LIPA: variants seen among roughly 807,000 people sequenced by gnomAD.
LIPA encodes lysosomal acid lipase/cholesteryl ester hydrolase.
LIPA carries 26 observed loss-of-function variants against 40.6 expected under a neutral mutation model. The observed-to-expected ratio is 0.64, with a 90% confidence interval of 0.47 to 0.89. The LOEUF (loss-of-function observed/expected upper bound fraction) is 0.89. LIPA is among the 40% of genes least tolerant of loss of function. The pLI is 0.00. For missense variants in LIPA, 455 were observed against 479.6 expected, an observed-to-expected ratio of 0.95 and a Z score of 0.48; for synonymous variants, 188 against 168.4, an observed-to-expected ratio of 1.12 and a Z score of -0.90.
chr10:89,225,975 A>G (rs980683751), intron 5 of LIPA, among the ~76,000 whole-genome samples: 1 of 152,072 alleles, frequency 6.6e-6, no homozygotes, highest in African/African-American at 2.4e-5. Flanking sequence ...CAATCCATTA[A>G]ACTGTGAGTC....
At chr10:89,294,731 T>C (rs1843398963) in intron 1 of LIPA, among the ~76,000 whole-genome samples, 1 of 150,830 alleles carries the variant, frequency 6.6e-6, no homozygotes, top group African/African-American at 2.4e-5. Context: ...TCCCAGCACT[T>C]TGGGATGCTG....
intron 1 of LIPA, chr10:89,307,503 T>G (rs946174670): frequency 1.3e-6 from 1 of 746,940 alleles, no homozygotes; most frequent in Admixed American, 2.8e-5. Context: ...GCCATACCAC[T>G]GGACAGGGTT....
At chr10:89,258,801 A>T (rs1843193364) in intron 1 of LIPA, among the ~76,000 whole-genome samples, 1 of 152,268 alleles carries the variant, frequency 6.6e-6, no homozygotes, top group South Asian at 2.1e-4. Context: ...GGAAACAACC[A>T]TATGTTCATC....
chr10:89,387,192 T>C (rs904943478), intron 2 of LIPA, among the ~76,000 whole-genome samples: 4 of 151,700 alleles, frequency 2.6e-5, no homozygotes, highest in Admixed American at 6.6e-5. Context: ...GGCGGGCGCC[T>C]ATAGTCCCAG....
chr10:89,328,061 A>G (rs1843615905), intron 1 of LIPA: 1 of 1,614,024 alleles, frequency 6.2e-7, no homozygotes, highest in Middle Eastern at 1.7e-4. Context: ...CAGCAGAGAC[A>G]CAGAGGGCAG....
At chr10:89,250,107 C>CTTTTTTTTTTTTTTTT (rs398038546) in intron 1 of LIPA, among the ~76,000 whole-genome samples, 3,370 of 95,386 alleles carry the variant, frequency 0.035, 203 homozygotes, top group African/African-American at 0.04. Context: ...TCTTTTCTTT[C>CTTTTTTTTTTTTTTTT]TTTTTTTTTT....
chr10:89,330,593 A>G (rs1287271164), intron 1 of LIPA, among the ~76,000 whole-genome samples: 1 of 152,252 alleles, frequency 6.6e-6, no homozygotes, highest in Non-Finnish European at 1.5e-5. Context: ...TCCCCAGGGC[A>G]TAATTTTCTA....
chr10:89,406,381 G>A (rs1489257954), intron 2 of LIPA: 1 of 152,216 alleles, frequency 6.6e-6, no homozygotes, highest in Admixed American at 6.5e-5. Flanking sequence ...CCAAGTAAGG[G>A]AATAAAAGCA....
intron 2 of LIPA, among the ~76,000 whole-genome samples, chr10:89,377,870 C>G (rs2133600828): frequency 6.6e-6 from 1 of 152,322 alleles, no homozygotes; most frequent in South Asian, 2.1e-4. Flanking sequence ...ATTTGCGTAT[C>G]AAAACTGCTT....
intron 3 of LIPA, among the ~76,000 whole-genome samples, chr10:89,240,636 C>T (rs1246408542): frequency 6.6e-6 from 1 of 152,042 alleles, no homozygotes; most frequent in Admixed American, 6.5e-5. Flanking sequence ...AGAAAATTGC[C>T]AAGGTCACAC....
At chr10:89,387,254 T>C (rs568533703) in intron 2 of LIPA, among the ~76,000 whole-genome samples, 2 of 146,526 alleles carry the variant, frequency 1.4e-5, no homozygotes, top group African/African-American at 5.1e-5. Context: ...AGGTGGAGCT[T>C]GCAGTGAGCC....
At chr10:89,220,245 G>T (rs1564750963) in intron 8 of LIPA, among the ~76,000 whole-genome samples, 1 of 152,164 alleles carries the variant, frequency 6.6e-6, no homozygotes, top group Non-Finnish European at 1.5e-5. Context: ...TGTGTGGGCT[G>T]CTGGCAGTCA....
intron 2 of LIPA, among the ~76,000 whole-genome samples, chr10:89,409,799 CAT>C (rs1157463605): frequency 6.6e-6 from 1 of 152,248 alleles, no homozygotes; most frequent in Admixed American, 6.5e-5. Context: ...GCTCTTTTCA[CAT>C]GTCTTTCTTG....
chr10:89,353,003 C>T (rs961695544), intron 2 of LIPA, among the ~76,000 whole-genome samples: 3 of 152,116 alleles, frequency 2.0e-5, no homozygotes, highest in East Asian at 1.9e-4. Flanking sequence ...TCTGCCCTAT[C>T]GTTCATGTAA....
chr10:89,339,973 A>G (rs1256217183), intron 1 of LIPA: 4 of 1,614,244 alleles, frequency 2.5e-6, no homozygotes, highest in Non-Finnish European at 3.4e-6. Context: ...ATGTTATGAG[A>G]AGGAACTGGG....
intron 1 of LIPA, among the ~76,000 whole-genome samples, chr10:89,266,797 T>C (rs368797980): frequency 2.6e-5 from 4 of 152,262 alleles, no homozygotes; most frequent in Non-Finnish European, 5.9e-5. Context: ...AAGTGTTCTG[T>C]GACTTAATGT....
At chr10:89,246,441 G>T (rs1414404230) in intron 2 of LIPA, among the ~76,000 whole-genome samples, 1 of 152,146 alleles carries the variant, frequency 6.6e-6, no homozygotes, top group African/African-American at 2.4e-5. Context: ...GTACTTGAAA[G>T]AATTTAATTT....
intron 2 of LIPA, among the ~76,000 whole-genome samples, chr10:89,376,317 G>T (rs901903874): frequency 6.6e-6 from 1 of 152,074 alleles, no homozygotes; most frequent in Non-Finnish European, 1.5e-5. Context: ...AATAGACGTG[G>T]AGATGGGTTT....
intron 3 of LIPA, among the ~76,000 whole-genome samples, chr10:89,231,475 T>C (rs986093938): frequency 8.6e-6 from 1 of 116,098 alleles, no homozygotes; most frequent in Non-Finnish European, 2.0e-5. Flanking sequence ...ATGATTCCCA[T>C]AACTTTTTTT....
Sources: gnomAD v4.1 joint callset for allele counts (sites outside exome capture counted in the v4.1 genomes callset) on GRCh38, gnomAD v4.1.1 for gene constraint, MANE v1.5 for transcripts, NCBI Gene and HGNC (gene_info 2026-07-23, HGNC 2026-07-21) for gene names.